Variants in RB1 observed in about 807,000 individuals in gnomAD.
RB1 encodes RB transcriptional corepressor 1.
A neutral mutation model predicts 135.4 loss-of-function variants in RB1; 18 were observed. The observed-to-expected ratio is 0.13, with a 90% CI of 0.09 to 0.20. The LOEUF (loss-of-function observed/expected upper bound fraction) is 0.20. Among genes scored for constraint, RB1 ranks in the 10% least tolerant of loss-of-function variants. The pLI, the probability that RB1 is intolerant of heterozygous loss-of-function variation, is 1.00. For missense variants in RB1, 868 were observed against 1,110.0 expected (o/e 0.78, Z 3.10); for synonymous variants, 365 against 373.2 (o/e 0.98, Z 0.25).
intron 17 of RB1, among the ~76,000 whole-genome samples, chr13:48,441,107 G>A (rs1373575648): frequency 1.3e-5 from 2 of 152,264 alleles, no homozygotes; most frequent in South Asian, 4.1e-4. Flanking sequence ...CAACAGAAAT[G>A]TATTTCTCAC....
At chr13:48,372,520 G>A (rs1229778908) in intron 11 of RB1, among the ~76,000 whole-genome samples, 5 of 152,028 alleles carry the variant, frequency 3.3e-5, no homozygotes, top group African/African-American at 1.2e-4. Flanking sequence ...TAGCCCAGCT[G>A]GGCACCTGTA....
intron 6 of RB1, among the ~76,000 whole-genome samples, chr13:48,352,496 ATGTTTTTCCATGTGTT>A (rs1341379050): frequency 6.6e-6 from 1 of 151,770 alleles, no homozygotes. Flanking sequence ...TGAGCATGGG[ATGTTTTTCCATGTGTT>A]TGTGTCATCT....
rs1179137535 is a variant in RB1, at chr13:48,476,838, T to C, written c.2658T>C (p.Asp886=). 1 of 1,613,536 alleles carries C rather than the reference T, an allele frequency of 6.2e-7. No individual in the cohort carries two copies. The highest frequency in any genetic ancestry group is 2.2e-5 in the East Asian group (1 of 44,862). The change falls in exon 25 of 27, where the codon GAT becomes GAC. Residue 886 remains aspartate (D), a synonymous_variant. Transcript: ENST00000267163. ...RFDIEGSDEA[D]GSKHLPGESK... ...ATATTGAAGGATCAGATGAAGCAGA[T>C]GGAAGGTAGGAACCAGTTTTGAATG...
intron 17 of RB1, among the ~76,000 whole-genome samples, chr13:48,441,470 A>G (rs965166428): frequency 1.3e-5 from 2 of 152,190 alleles, no homozygotes; most frequent in African/African-American, 4.8e-5. Context: ...TAGGAACCCA[A>G]TACTAGCTAA....
At chr13:48,382,954 C>T (rs575491874) in intron 17 of RB1, among the ~76,000 whole-genome samples, 3 of 152,188 alleles carry the variant, frequency 2.0e-5, no homozygotes, top group East Asian at 3.9e-4. Context: ...AATAGGGAAT[C>T]CTTTCTCCAT....
chr13:48,474,686 G>C (rs1800128660), intron 24 of RB1, among the ~76,000 whole-genome samples: 1 of 151,974 alleles, frequency 6.6e-6, no homozygotes, highest in Non-Finnish European at 1.5e-5. Flanking sequence ...ATTAGGAATT[G>C]TTTGCATGAG....
chr13:48,323,562 A>T (rs1336593644), intron 2 of RB1, among the ~76,000 whole-genome samples: 1 of 151,892 alleles, frequency 6.6e-6, no homozygotes, highest in East Asian at 1.9e-4. Context: ...CAATGTTTAT[A>T]CTTAATGTGT....
At chr13:48,437,355 T>C (rs1269933369) in intron 17 of RB1, among the ~76,000 whole-genome samples, 3 of 152,210 alleles carry the variant, frequency 2.0e-5, no homozygotes, top group Non-Finnish European at 2.9e-5. Flanking sequence ...AAGTTAAGTA[T>C]TCCATGAAAT....
intron 2 of RB1, among the ~76,000 whole-genome samples, chr13:48,310,149 C>T (rs1055776952): frequency 1.3e-5 from 2 of 152,040 alleles, no homozygotes; most frequent in Non-Finnish European, 2.9e-5. Flanking sequence ...GTTAGAGTTA[C>T]GTTTTTGAGG....
chr13:48,373,477 G>A lies in RB1; in HGVS notation c.1200G>A (p.Leu400=). ...CAAGTGATCAACCTTCAGAAAATCTGATTTCCTATTTTAACGTAAGCCATA... is the reference window on the plus strand; with the variant it reads ...CAAGTGATCAACCTTCAGAAAATCTAATTTCCTATTTTAACGTAAGCCATA... ...NSASDQPSEN[L]ISYFNNCTVN... is the part of the protein sequence containing the mutation. The change falls in exon 12 of 27, where the codon CTG becomes CTA. Residue 400 remains leucine (L), a synonymous_variant. Coordinates refer to ENST00000267163, the MANE Select transcript of RB1 (RefSeq NM_000321.3). 6.3e-7 allele frequency: 1 copy of A among 1,576,344 alleles called. No individual in the cohort carries two copies. The highest frequency in any genetic ancestry group is 8.7e-7 in the Non-Finnish European group (1 of 1,146,140).
chr13:48,328,345 C>T (rs1279795805), intron 2 of RB1: 2 of 1,564,746 alleles, frequency 1.3e-6, no homozygotes, highest in Non-Finnish European at 1.8e-6. Context: ...TTACTTGATC[C>T]AAGTTTGATG....
intron 2 of RB1, among the ~76,000 whole-genome samples, chr13:48,325,038 TATGTC>T (rs1017636259): frequency 3.3e-5 from 5 of 152,066 alleles, no homozygotes; most frequent in Non-Finnish European, 5.9e-5. Context: ...TAGGTAAACT[TATGTC>T]ATGGGGGTTT....
rs770072166 is a variant in RB1, at chr13:48,456,303, C to A, written c.1914C>A (p.Thr638=). The A allele has an allele frequency of 6.2e-7, 1 of 1,614,112 alleles. No homozygotes were observed. The change falls in exon 19 of 27, where the codon ACC becomes ACA. Residue 638 remains threonine (T), a synonymous_variant. Coordinates refer to ENST00000267163, the MANE Select transcript of RB1 (RefSeq NM_000321.3). ...CACAAGCAACCTCAGCCTTCCAGACCCAGAAGCCATTGAAATCTACCTCTC... is the reference window on the plus strand; with the variant it reads ...CACAAGCAACCTCAGCCTTCCAGACACAGAAGCCATTGAAATCTACCTCTC... ...AETQATSAFQ[T]QKPLKSTSLS...
At chr13:48,368,379 G>A (rs1027784103) in intron 10 of RB1, 148 bp from the exon 11 acceptor site, 1 of 951,806 alleles carries the variant, frequency 1.1e-6, no homozygotes, top group African/African-American at 1.7e-5. Context: ...AGCAGCAGCT[G>A]GGTCATCTAT....
At chr13:48,343,707 G>A (rs1009517287) in intron 3 of RB1, among the ~76,000 whole-genome samples, 1 of 152,150 alleles carries the variant, frequency 6.6e-6, no homozygotes, top group Non-Finnish European at 1.5e-5. Flanking sequence ...CTGGAACTGA[G>A]AGTAGTTCTT....
At chr13:48,383,321 G>T (rs1012633284) in intron 17 of RB1, among the ~76,000 whole-genome samples, 1 of 151,996 alleles carries the variant, frequency 6.6e-6, no homozygotes, top group Non-Finnish European at 1.5e-5. Context: ...TATTGATAAG[G>T]CTTTTGTTTT....
intron 1 of RB1, 135 bp downstream of exon 1, chr13:48,304,184 C>G: frequency 5.1e-6 from 5 of 979,440 alleles, no homozygotes; most frequent in Non-Finnish European, 6.8e-6. Context: ...GCCCTCCCTG[C>G]CCCCCGCCAC....
chr13:48,411,680 A>C, intron 17 of RB1: 1 of 1,610,122 alleles, frequency 6.2e-7, no homozygotes, highest in Non-Finnish European at 8.5e-7. Context: ...ATAAAATAAG[A>C]TTGATATTGT....
At chr13:48,412,361 C>T (rs780067410) in intron 17 of RB1, 2 of 1,613,614 alleles carry the variant, frequency 1.2e-6, no homozygotes, top group Non-Finnish European at 1.7e-6. Context: ...TGAACATGCA[C>T]CCATACAAAG....
Sources: allele counts gnomAD v4.1 joint callset (sites outside exome capture counted in the v4.1 genomes callset), GRCh38; gene constraint gnomAD v4.1.1; transcripts MANE v1.5; gene names NCBI Gene and HGNC (gene_info 2026-07-23, HGNC 2026-07-21).